PRKD1: variants seen among roughly 807,000 people sequenced by gnomAD.
PRKD1 encodes the protein serine/threonine-protein kinase D1.
A neutral mutation model predicts 95.9 loss-of-function variants in PRKD1; 63 were observed. The ratio of observed to expected loss-of-function variants is 0.66; its 90% CI spans 0.54 to 0.81. The LOEUF is 0.81. Among genes scored for constraint, PRKD1 ranks in the 30% least tolerant of loss-of-function variants. PRKD1 has a pLI of 0.00. For missense variants in PRKD1, 1,048 were observed against 1,165.3 expected, an observed-to-expected ratio of 0.90 and a Z score of 1.47; for synonymous variants, 425 against 423.1, an observed-to-expected ratio of 1.00 and a Z score of -0.05.
intron 2 of PRKD1, among the ~76,000 whole-genome samples, chr14:29,698,086 G>A (rs767782692): frequency 3.9e-5 from 6 of 152,158 alleles, no homozygotes; most frequent in Non-Finnish European, 5.9e-5. Flanking sequence ...CATGGAATCT[G>A]TCAATGCATA....
At chr14:29,762,709 C>T (rs1325329319) in intron 1 of PRKD1, among the ~76,000 whole-genome samples, 1 of 152,144 alleles carries the variant, frequency 6.6e-6, no homozygotes, top group Non-Finnish European at 1.5e-5. Context: ...ACTCCCTATG[C>T]CTGTGGTGGA....
chr14:29,602,933 T>C (rs1477309718), intron 13 of PRKD1, among the ~76,000 whole-genome samples: 1 of 152,232 alleles, frequency 6.6e-6, no homozygotes, highest in Non-Finnish European at 1.5e-5. Context: ...TTTTGTGCCA[T>C]GTTCACCGTC....
rs144347989 is a variant in PRKD1 at position 29,720,075 on chromosome 14, A to G, written c.403+5461T>C. Among the ~76,000 whole-genome samples the G allele has an allele frequency of 6.8e-4, 103 of 152,342 alleles. 3 individuals are homozygous for G. The highest frequency in any genetic ancestry group is 2.3e-3 in the African/African-American group (97 of 41,586). ...AGGATTCCCTTTTGCGGTATGTTTA[A>G]TAAGCATACGCATCACATTTAAAGG... On this transcript the variant is annotated intron_variant, in intron 2 of 17. Transcript: ENST00000331968.
At chr14:29,617,911 A>G (rs76148054) in intron 13 of PRKD1, among the ~76,000 whole-genome samples, 1 of 33,882 alleles carries the variant, frequency 3.0e-5, no homozygotes, top group African/African-American at 6.8e-5. Flanking sequence ...TACCAAAAAT[A>G]AAAAAAAAAG....
chr14:29,586,036 C>A (rs916662102), intron 16 of PRKD1, among the ~76,000 whole-genome samples: 3 of 152,134 alleles, frequency 2.0e-5, no homozygotes, highest in Non-Finnish European at 4.4e-5. Flanking sequence ...GAGGTGGGGC[C>A]TGATAGTCTG....
intron 1 of PRKD1, among the ~76,000 whole-genome samples, chr14:29,809,686 C>G (rs1308350482): frequency 2.6e-5 from 4 of 152,216 alleles, no homozygotes; most frequent in Admixed American, 1.3e-4. Flanking sequence ...GGACCTTACT[C>G]TGGATTAGGA....
At chr14:29,862,282 G>C (rs1377231792) in intron 1 of PRKD1, among the ~76,000 whole-genome samples, 5 of 152,236 alleles carry the variant, frequency 3.3e-5, no homozygotes, top group African/African-American at 9.6e-5. Context: ...GGACACTTAG[G>C]TTTCCTCCAA....
intron 1 of PRKD1, among the ~76,000 whole-genome samples, chr14:29,844,525 A>G (rs1235509349): frequency 6.6e-6 from 1 of 152,188 alleles, no homozygotes; most frequent in Non-Finnish European, 1.5e-5. Flanking sequence ...ATGAGCACAT[A>G]CGATGAGCCA....
intron 1 of PRKD1, among the ~76,000 whole-genome samples, chr14:29,744,390 A>C (rs183483263): frequency 6.6e-6 from 1 of 152,214 alleles, no homozygotes; most frequent in Admixed American, 6.5e-5. Flanking sequence ...TTAAAAGCAC[A>C]ATATACTCCA....
chr14:29,876,718 AAC>A (rs1336422608), intron 1 of PRKD1, among the ~76,000 whole-genome samples: 3 of 150,114 alleles, frequency 2.0e-5, no homozygotes, highest in African/African-American at 7.6e-5. Flanking sequence ...AAAACAAACA[AAC>A]AAAAAAAAAC....
chr14:29,872,968 A>G lies in PRKD1; in HGVS notation c.264+54281T>C, dbSNP rs535787114. ...AACTTCTAGGATAAACTATCACCAT[A>G]TTCACTTTTCCAAAGGCAAATTAAA... On this transcript the variant is annotated intron_variant, in intron 1 of 17. Transcript: ENST00000331968. 5.3e-5 allele frequency among the ~76,000 whole-genome samples: 8 copies of G among 152,360 alleles called. No homozygotes were observed. The South Asian group carries it at 1.7e-3, about 32-fold the overall frequency.
chr14:29,760,843 TAC>T (rs1271720291), intron 1 of PRKD1, among the ~76,000 whole-genome samples: 1 of 152,232 alleles, frequency 6.6e-6, no homozygotes, highest in Non-Finnish European at 1.5e-5. Flanking sequence ...TTGGGTAGCT[TAC>T]ATTTATATAG....
At chr14:29,860,986 A>T (rs890888351) in intron 1 of PRKD1, among the ~76,000 whole-genome samples, 4 of 152,142 alleles carry the variant, frequency 2.6e-5, no homozygotes, top group African/African-American at 9.7e-5. Flanking sequence ...AAAAGAATAT[A>T]CCAGTCCAAT....
intron 2 of PRKD1, among the ~76,000 whole-genome samples, chr14:29,686,478 T>C: frequency 6.6e-6 from 1 of 152,226 alleles, no homozygotes; most frequent in East Asian, 1.9e-4. Context: ...CCAGTTCTGA[T>C]GCCTGCATTA....
At chr14:29,586,914 C>T (rs1022268479) in intron 16 of PRKD1, among the ~76,000 whole-genome samples, 1 of 152,106 alleles carries the variant, frequency 6.6e-6, no homozygotes, top group African/African-American at 2.4e-5. Context: ...TGTGAGCCAC[C>T]GTGCCCAGCC....
At chr14:29,581,524 C>T (rs1219151333) in intron 16 of PRKD1, among the ~76,000 whole-genome samples, 1 of 152,168 alleles carries the variant, frequency 6.6e-6, no homozygotes, top group Non-Finnish European at 1.5e-5. Flanking sequence ...CTAGGCAATA[C>T]AGCTGAATTT....
At chr14:29,648,901 G>A (rs566405933) in intron 4 of PRKD1, among the ~76,000 whole-genome samples, 23 of 152,146 alleles carry the variant, frequency 1.5e-4, no homozygotes, top group South Asian at 4.2e-4. Context: ...TGATCCGCCC[G>A]CCTTGGCCTC....
At chr14:29,767,401 C>A (rs1252797161) in intron 1 of PRKD1, among the ~76,000 whole-genome samples, 1 of 152,114 alleles carries the variant, frequency 6.6e-6, no homozygotes. Flanking sequence ...AATATTAATG[C>A]TTATAAATAG....
At chr14:29,755,122 G>T (rs190656093) in intron 1 of PRKD1, among the ~76,000 whole-genome samples, 410 of 152,054 alleles carry the variant, frequency 2.7e-3, no homozygotes, top group Admixed American at 8.4e-3. Context: ...GTTGATCTTG[G>T]ATCTAAGACC....
Sources: allele counts gnomAD v4.1 joint callset (sites outside exome capture counted in the v4.1 genomes callset), GRCh38; gene constraint gnomAD v4.1.1; transcripts MANE v1.5; gene names NCBI Gene and HGNC (gene_info 2026-07-23, HGNC 2026-07-21).